Variants in NAV2 observed in about 807,000 individuals in gnomAD.
NAV2 encodes helicase, APC down-regulated 1.
A neutral mutation model predicts 223.2 loss-of-function variants in NAV2; 54 were observed. The observed-to-expected ratio is 0.24, with a 90% CI of 0.19 to 0.30. The LOEUF (loss-of-function observed/expected upper bound fraction) is 0.30. NAV2 is among the 10% of genes least tolerant of loss of function. NAV2 has a pLI of 1.00. For synonymous variants in NAV2, 1,279 were observed against 1,239.3 expected, an observed-to-expected ratio of 1.03 and a Z score of -0.67; for missense variants, 2,806 against 3,147.5, an observed-to-expected ratio of 0.89 and a Z score of 2.60.
chr11:19,709,792 C>CA (rs998009372), upstream of NAV2, among the ~76,000 whole-genome samples: 35 of 144,636 alleles, frequency 2.4e-4, no homozygotes, highest in African/African-American at 6.1e-4. Context: ...AACTCGGTCA[C>CA]AAAAAAAAAG....
intron 1 of NAV2, among the ~76,000 whole-genome samples, chr11:19,458,394 C>A (rs1389349064): frequency 6.6e-6 from 1 of 152,228 alleles, no homozygotes; most frequent in African/African-American, 2.4e-5. Flanking sequence ...TCACCAAAGC[C>A]TTCCTGTGCC....
chr11:19,607,619 G>A (rs1221466788), intron 1 of NAV2, among the ~76,000 whole-genome samples: 1 of 152,218 alleles, frequency 6.6e-6, no homozygotes, highest in Non-Finnish European at 1.5e-5. Context: ...CTCCACTCAT[G>A]GCTCAGCTCT....
intron 1 of NAV2, among the ~76,000 whole-genome samples, chr11:19,602,202 G>A (rs2046367879): frequency 2.1e-5 from 3 of 144,574 alleles, no homozygotes; most frequent in African/African-American, 8.1e-5. Context: ...TTTTGAGATG[G>A]AGTCTCGCTC....
At chr11:19,601,951 C>T (rs2046360274) in intron 1 of NAV2, among the ~76,000 whole-genome samples, 1 of 152,190 alleles carries the variant, frequency 6.6e-6, no homozygotes, top group African/African-American at 2.4e-5. Context: ...TGCACACAAT[C>T]CTACACTGCC....
At chr11:20,108,698 C>T (rs2062374837) in intron 36 of NAV2, among the ~76,000 whole-genome samples, 1 of 151,798 alleles carries the variant, frequency 6.6e-6, no homozygotes, top group African/African-American at 2.4e-5. Flanking sequence ...GCAATTCACC[C>T]ACCTTGGCCT....
At chr11:19,760,331 A>G (rs2054628572) in intron 1 of NAV2, among the ~76,000 whole-genome samples, 1 of 152,220 alleles carries the variant, frequency 6.6e-6, no homozygotes, top group African/African-American at 2.4e-5. Context: ...CAGTAGGTTT[A>G]TAAGATGACA....
chr11:19,988,755 C>T (rs1437403367), intron 11 of NAV2, among the ~76,000 whole-genome samples: 1 of 152,098 alleles, frequency 6.6e-6, no homozygotes, highest in African/African-American at 2.4e-5. Context: ...ACTATGCAAC[C>T]TGGTATTTGA....
chr11:20,047,971 G>A (rs926447460), intron 14 of NAV2, among the ~76,000 whole-genome samples: 1 of 152,146 alleles, frequency 6.6e-6, no homozygotes, highest in South Asian at 2.1e-4. Flanking sequence ...GGAAGAGGGG[G>A]CATTTATGTC....
chr11:19,816,445 G>A (rs2059094593), intron 1 of NAV2, among the ~76,000 whole-genome samples: 1 of 152,226 alleles, frequency 6.6e-6, no homozygotes, highest in South Asian at 2.1e-4. Flanking sequence ...TAGTCCCTCT[G>A]TACCTTCCTT....
chr11:20,068,105 G>A, intron 20 of NAV2, 81 bp from the exon 21 acceptor site: 1 of 1,222,606 alleles, frequency 8.2e-7, no homozygotes, highest in Non-Finnish European at 1.2e-6. Flanking sequence ...GCAACCATCT[G>A]AATATGGTGT....
chr11:19,971,234 G>C (rs1479794587), intron 10 of NAV2, among the ~76,000 whole-genome samples: 2 of 152,050 alleles, frequency 1.3e-5, no homozygotes, highest in East Asian at 3.9e-4. Context: ...TTTTTCCATT[G>C]CTCACTATGC....
chr11:19,514,498 T>C (rs2043379850), intron 1 of NAV2, among the ~76,000 whole-genome samples: 1 of 152,232 alleles, frequency 6.6e-6, no homozygotes, highest in South Asian at 2.1e-4. Flanking sequence ...GCCTGGAAGC[T>C]GCGGAAATGA....
At chr11:19,929,431 A>C (rs2045111965) in intron 6 of NAV2, among the ~76,000 whole-genome samples, 1 of 152,128 alleles carries the variant, frequency 6.6e-6, no homozygotes, top group South Asian at 2.1e-4. Flanking sequence ...TGGCTGTGAC[A>C]TGAGTGTAGA....
intron 6 of NAV2, among the ~76,000 whole-genome samples, chr11:19,901,576 A>G (rs2707107): frequency 0.24 from 35,767 of 152,086 alleles, 5,887 homozygotes; most frequent in East Asian, 0.45. Context: ...TTAATTCTCA[A>G]CAACTACTTT....
intron 1 of NAV2, among the ~76,000 whole-genome samples, chr11:19,726,528 G>A (rs1405028546): frequency 6.6e-6 from 1 of 152,224 alleles, no homozygotes; most frequent in African/African-American, 2.4e-5. Context: ...TTGCTTTGAT[G>A]TTACCTTATC....
chr11:19,695,658 C>A (rs913912384), intron 1 of NAV2, among the ~76,000 whole-genome samples: 6 of 152,160 alleles, frequency 3.9e-5, no homozygotes, highest in South Asian at 2.1e-4. Flanking sequence ...AATCCCAGCA[C>A]TTTGGGAGGC....
Position 20,051,296 on chromosome 11 carries a change from C to T in NAV2, c.4444C>T (p.His1482Tyr). The T allele has an allele frequency of 6.2e-7, 1 of 1,614,032 alleles. No homozygotes were observed. The highest frequency in any genetic ancestry group is 8.5e-7 in the Non-Finnish European group (1 of 1,179,866). ...GTTTTAACTTTCCTACAGTGACCCGCACCTTGATAGGAACACTTTGCCTAA... is the reference window on the plus strand; with the variant it reads ...GTTTTAACTTTCCTACAGTGACCCGTACCTTGATAGGAACACTTTGCCTAA... Reference protein sequence around the residue: ...TLPRKQDSDPHLDRNTLPKKG... With the variant: ...TLPRKQDSDPYLDRNTLPKKG... The change falls in exon 17 of 38, where the codon CAC becomes TAC. Residue 1482 changes from histidine (H) to tyrosine (Y), a missense_variant. By Grantham distance (83) the His-to-Tyr change is moderately conservative. This residue lies in a region of NAV2 where 742 missense variants were observed against 777.9 expected (regional missense o/e 0.95). Coordinates refer to ENST00000349880, the MANE Select transcript of NAV2 (RefSeq NM_145117.5).
intron 11 of NAV2, among the ~76,000 whole-genome samples, chr11:19,999,043 G>T (rs11025353): frequency 0.25 from 37,788 of 152,142 alleles, 6,617 homozygotes; most frequent in African/African-American, 0.49. Flanking sequence ...TGACTGCCAG[G>T]CACTGTGATG....
At chr11:19,967,618 A>G (rs2048883353) in intron 10 of NAV2, among the ~76,000 whole-genome samples, 1 of 152,180 alleles carries the variant, frequency 6.6e-6, no homozygotes. Context: ...AAATGTGCCC[A>G]AAAGTAGACC....
Sources: allele counts gnomAD v4.1 joint callset (sites outside exome capture counted in the v4.1 genomes callset), GRCh38; gene constraint gnomAD v4.1.1; regional missense constraint gnomAD v4.1.1; transcripts MANE v1.5; gene names NCBI Gene and HGNC (gene_info 2026-07-23, HGNC 2026-07-21).